The following KCNMB2 variants were observed in gnomAD, a reference collection of about 807,000 sequenced individuals.
The protein encoded by KCNMB2 is potassium calcium-activated channel subfamily M regulatory beta subunit 2.
Under a neutral mutation model 24.5 loss-of-function variants are expected in KCNMB2, and 9 were observed. That is an observed-to-expected ratio of 0.37 (90% CI 0.22 to 0.64). The LOEUF (loss-of-function observed/expected upper bound fraction) is 0.64, where lower values mean the gene tolerates loss of function less well. Among genes scored for constraint, KCNMB2 ranks in the 30% least tolerant of loss-of-function variants. The probability of loss-of-function intolerance (pLI) is 0.63; values close to 1 mark genes in which losing one functional copy is unlikely to be tolerated. For synonymous variants in KCNMB2, 109 were observed against 104.4 expected, an observed-to-expected ratio of 1.04 and a Z score of -0.27; for missense variants, 226 against 284.3, an observed-to-expected ratio of 0.79 and a Z score of 1.47.
intron 1 of KCNMB2, among the ~76,000 whole-genome samples, chr3:178,609,861 C>T (rs1312312607): frequency 6.6e-6 from 1 of 152,070 alleles, no homozygotes; most frequent in Non-Finnish European, 1.5e-5. Context: ...TGGTTTCAAG[C>T]TCCTGGGATC....
At chr3:178,776,040 G>C (rs1192949418) in intron 1 of KCNMB2, among the ~76,000 whole-genome samples, 1 of 151,928 alleles carries the variant, frequency 6.6e-6, no homozygotes, top group Non-Finnish European at 1.5e-5. Flanking sequence ...CTACAACCTG[G>C]ACCTTTATTC....
At chr3:178,790,596 G>C (rs545248458) in intron 1 of KCNMB2, among the ~76,000 whole-genome samples, 4 of 152,264 alleles carry the variant, frequency 2.6e-5, no homozygotes, top group African/African-American at 7.2e-5. Context: ...AGGGACTTTT[G>C]TCCTTGAGTG....
chr3:178,678,481 G>T (rs747374501), intron 1 of KCNMB2, among the ~76,000 whole-genome samples: 4 of 152,150 alleles, frequency 2.6e-5, no homozygotes, highest in Non-Finnish European at 5.9e-5. Flanking sequence ...AGGAAAACTG[G>T]CAGTAAAATT....
intron 1 of KCNMB2, among the ~76,000 whole-genome samples, chr3:178,598,052 C>CAAA (rs57155254): frequency 7.1e-6 from 1 of 140,796 alleles, no homozygotes; most frequent in African/African-American, 2.6e-5. Context: ...AAAAACAAAA[C>CAAA]AAAAAAAAAA....
rs1160251273 is a variant in KCNMB2, at chr3:178,655,259, C to T, written c.-68+118548C>T. Among the ~76,000 whole-genome samples the T allele has an allele frequency of 1.3e-5, 2 of 152,006 alleles. 1 individual carries two copies. Among genetic ancestry groups the T allele is most frequent in the South Asian group, 4.1e-4 (2 of 4,824 alleles). Reference sequence around the variant, plus strand: ...TGGTACTTCAGTATTAATTTTAATTCTCTCAAAAATGTAAGATAATTATTG... The same window carrying T: ...TGGTACTTCAGTATTAATTTTAATTTTCTCAAAAATGTAAGATAATTATTG... On this transcript the variant is annotated intron_variant, in intron 1 of 4. Transcript: ENST00000452583.
chr3:178,568,827 TAGATGATA>T (rs1433871977), intron 1 of KCNMB2, among the ~76,000 whole-genome samples: 4,432 of 78,372 alleles, frequency 0.057, 314 homozygotes, highest in African/African-American at 0.21. Flanking sequence ...AATAGATAGA[TAGATGATA>T]GATAGATAGA....
chr3:178,838,513 C>G (rs1235286175), intron 4 of KCNMB2, among the ~76,000 whole-genome samples: 3 of 150,714 alleles, frequency 2.0e-5, no homozygotes, highest in Non-Finnish European at 4.4e-5. Context: ...CCATTCTTAA[C>G]TAATCAAAGA....
rs542862428 is a variant in KCNMB2 at position 178,796,427 on chromosome 3, T to C, written c.-67-10916T>C. ...TGACCTAATAGATATTTACAGAACA[T>C]TTCATCCAATGGCAGCAGAATACAC... On this transcript the variant is annotated intron_variant, in intron 1 of 4. Transcript: ENST00000452583. 9.8e-5 allele frequency among the ~76,000 whole-genome samples: 15 copies of C among 152,286 alleles called. No homozygotes were observed. In the East Asian group the frequency reaches 2.7e-3, roughly 27 times the overall value.
intron 1 of KCNMB2, among the ~76,000 whole-genome samples, chr3:178,700,106 T>G (rs1722034809): frequency 6.6e-6 from 1 of 152,212 alleles, no homozygotes; most frequent in Non-Finnish European, 1.5e-5. Context: ...GACTGAGAGT[T>G]CTTGACTCAA....
intron 1 of KCNMB2, among the ~76,000 whole-genome samples, chr3:178,636,279 G>T (rs1405708312): frequency 2.0e-5 from 3 of 152,118 alleles, no homozygotes; most frequent in African/African-American, 7.2e-5. Flanking sequence ...AGGGATAAAA[G>T]AATACAAATA....
At chr3:178,645,705 T>C (rs1342052436) in intron 1 of KCNMB2, among the ~76,000 whole-genome samples, 1 of 152,040 alleles carries the variant, frequency 6.6e-6, no homozygotes, top group Non-Finnish European at 1.5e-5. Context: ...GAGCCGGTTC[T>C]GGGGGCCTGA....
chr3:178,637,174 T>C (rs1719558051), intron 1 of KCNMB2, among the ~76,000 whole-genome samples: 1 of 152,182 alleles, frequency 6.6e-6, no homozygotes, highest in African/African-American at 2.4e-5. Flanking sequence ...TATGCAAGCA[T>C]GTATCTTTAT....
chr3:178,608,520 C>T (rs1214602262), intron 1 of KCNMB2, among the ~76,000 whole-genome samples: 1 of 152,106 alleles, frequency 6.6e-6, no homozygotes, highest in Non-Finnish European at 1.5e-5. Flanking sequence ...AGTATTTATC[C>T]ATTGAGTTAC....
At chr3:178,618,326 G>A (rs1177276037) in intron 1 of KCNMB2, among the ~76,000 whole-genome samples, 1 of 152,036 alleles carries the variant, frequency 6.6e-6, no homozygotes, top group Admixed American at 6.6e-5. Context: ...CTCACAGTGT[G>A]CCAGATACCT....
intron 1 of KCNMB2, among the ~76,000 whole-genome samples, chr3:178,764,625 C>A (rs1220921669): frequency 1.3e-5 from 2 of 152,152 alleles, no homozygotes; most frequent in Non-Finnish European, 2.9e-5. Flanking sequence ...TTAAGCAGTG[C>A]ATGTGTGTAC....
chr3:178,813,401 A>G (rs2108457255), intron 2 of KCNMB2, among the ~76,000 whole-genome samples: 1 of 152,222 alleles, frequency 6.6e-6, no homozygotes, highest in East Asian at 1.9e-4. Flanking sequence ...TTATAATCAT[A>G]CCTCTTATGT....
intron 1 of KCNMB2, among the ~76,000 whole-genome samples, chr3:178,769,857 T>A (rs1468729809): frequency 1.3e-5 from 2 of 152,216 alleles, no homozygotes; most frequent in Admixed American, 6.5e-5. Flanking sequence ...TGCCAGAATA[T>A]GCAAATTATA....
rs747642096 is a variant in KCNMB2, at chr3:178,842,778, G to C, written c.549G>C (p.Lys183Asn). The C allele has an allele frequency of 6.2e-7, 1 of 1,613,922 alleles. No homozygotes were observed. Among genetic ancestry groups the C allele is most frequent in the Non-Finnish European group, 8.5e-7 (1 of 1,179,832 alleles). Residue 183 changes from lysine to asparagine, a missense_variant, in exon 5 of 5, where the codon AAG (lysine) becomes AAC (asparagine). Lys to Asn is a moderately conservative substitution (Grantham distance 94, BLOSUM62 0). Coordinates refer to ENST00000452583, the MANE Select transcript of KCNMB2 (RefSeq NM_181361.3). ...ATTCTGACCCAGAAGGAAACCAGAA[G>C]AGTGTTATCCTAACAAAACTCTACA... ...SCYSDPEGNQ[K>N]SVILTKLYSS...
intron 1 of KCNMB2, among the ~76,000 whole-genome samples, chr3:178,751,033 T>C (rs1723828263): frequency 6.6e-6 from 1 of 152,184 alleles, no homozygotes; most frequent in African/African-American, 2.4e-5. Flanking sequence ...CAGGATAGTT[T>C]TGCACGACTA....
Sources: allele counts gnomAD v4.1 joint callset (sites outside exome capture counted in the v4.1 genomes callset), GRCh38; gene constraint gnomAD v4.1.1; transcripts MANE v1.5; gene names NCBI Gene and HGNC (gene_info 2026-07-23, HGNC 2026-07-21).